NLRC5: variants seen among roughly 807,000 people sequenced by gnomAD.
NLRC5 encodes the protein protein NLRC5.
NLRC5 carries 114 observed loss-of-function variants against 206.9 expected under a neutral mutation model. That is an observed-to-expected ratio of 0.55 (90% CI 0.47 to 0.64). The LOEUF (loss-of-function observed/expected upper bound fraction) is 0.64. Ranked by LOEUF, NLRC5 falls within the 30% of genes least tolerant of loss-of-function variation. NLRC5 has a pLI of 0.00. For missense variants in NLRC5, 2,008 were observed against 2,305.5 expected, an observed-to-expected ratio of 0.87 and a Z score of 2.64; for synonymous variants, 952 against 962.8, an observed-to-expected ratio of 0.99 and a Z score of 0.21.
Position 57,078,024 on chromosome 16 carries a change from A to G in NLRC5, c.5081+4A>G, listed in dbSNP as rs777839543. Reference sequence around the variant, plus strand: ...CCCAGCACCTGAGGGTCCTACAGTGAGTGGCCCCCTGCCCATACCATGCAG... The same window carrying G: ...CCCAGCACCTGAGGGTCCTACAGTGGGTGGCCCCCTGCCCATACCATGCAG... On this transcript the variant is annotated splice_donor_region_variant and intron_variant, in intron 43 of 48. Coordinates refer to ENST00000688547, the MANE Select transcript of NLRC5 (RefSeq NM_001384950.1). 6.3e-7 allele frequency: 1 copy of G among 1,590,348 alleles called. No homozygotes were observed. Among genetic ancestry groups the G allele is most frequent in the Non-Finnish European group, 8.6e-7 (1 of 1,164,248 alleles).
At chr16:57,073,167 C>T (rs1344875368) in intron 38 of NLRC5, among the ~76,000 whole-genome samples, 3 of 152,228 alleles carry the variant, frequency 2.0e-5, no homozygotes, top group Non-Finnish European at 2.9e-5. Context: ...ATCCATGCCC[C>T]TGGGGGCCTT....
chr16:57,059,116 T>C (rs1347667039), intron 29 of NLRC5, 55 bp downstream of exon 29: 1 of 1,612,318 alleles, frequency 6.2e-7, no homozygotes. Context: ...CAGGTGCCCC[T>C]GGCTGATGAT....
intron 43 of NLRC5, among the ~76,000 whole-genome samples, chr16:57,078,466 G>GTTTTTTTTT (rs71383218): frequency 2.2e-5 from 2 of 92,208 alleles, no homozygotes. Context: ...CTGGGACCTT[G>GTTTTTTTTT]TTTTTTTTTT....
intron 1 of NLRC5, among the ~76,000 whole-genome samples, chr16:56,998,129 A>G (rs1334421082): frequency 1.3e-5 from 2 of 151,608 alleles, no homozygotes; most frequent in Non-Finnish European, 2.9e-5. Context: ...GGAGCAGTTC[A>G]GATGATCCAG....
intron 2 of NLRC5, among the ~76,000 whole-genome samples, chr16:57,020,082 A>G (rs2060492956): frequency 1.3e-5 from 2 of 151,976 alleles, no homozygotes; most frequent in African/African-American, 4.8e-5. Flanking sequence ...TGGAGAGGCC[A>G]CTTCCCTGCC....
intron 11 of NLRC5, 89 bp from the exon 12 acceptor site, chr16:57,033,515 C>T (rs2062117589): frequency 8.6e-6 from 11 of 1,282,048 alleles, no homozygotes; most frequent in Non-Finnish European, 1.2e-5. Context: ...GCTTCAGGGT[C>T]TTCAGCCTCT....
chr16:57,051,194 C>T (rs1225770853), intron 23 of NLRC5, among the ~76,000 whole-genome samples: 7 of 152,194 alleles, frequency 4.6e-5, no homozygotes, highest in African/African-American at 1.7e-4. Context: ...TTGCGGAACA[C>T]TAACCTTCAT....
At chr16:57,037,077 C>T (rs1407225744) in intron 14 of NLRC5, 118 bp from the exon 15 acceptor site, 3 of 837,618 alleles carry the variant, frequency 3.6e-6, no homozygotes, top group African/African-American at 3.3e-5. Flanking sequence ...TGGCAAGGGA[C>T]CTAGGACATC....
intron 13 of NLRC5, 105 bp from the exon 14 acceptor site, chr16:57,035,995 C>A: frequency 1.9e-6 from 2 of 1,051,044 alleles, no homozygotes; most frequent in Non-Finnish European, 2.9e-6. Flanking sequence ...AAGGTTCATT[C>A]CTGAGAGTGA....
At chr16:57,067,339 A>G in intron 34 of NLRC5, 48 bp from the exon 35 acceptor site, 1 of 1,489,336 alleles carries the variant, frequency 6.7e-7, no homozygotes, top group Non-Finnish European at 9.4e-7. Flanking sequence ...TGAATCCCAC[A>G]TACTGGACTA....
Position 57,074,637 on chromosome 16 carries a change from T to C in NLRC5, c.4705T>C (p.Leu1569=). ...TCTGCTGAACAGCTCCACCTTGGCC[T>C]TGCTTACTCACAGACTAAGCCAGAT... The part of the protein sequence containing the change: ...HLLLNSSTLA[L]LTHRLSQMTC... Residue 1569 remains leucine (L), a synonymous_variant, in exon 39 of 49, where the codon TTG becomes CTG. Coordinates refer to ENST00000688547, the MANE Select transcript of NLRC5 (RefSeq NM_001384950.1). 6.2e-7 allele frequency: 1 copy of C among 1,613,966 alleles called. No individual in the cohort carries two copies. The highest frequency in any genetic ancestry group is 1.3e-5 in the African/African-American group (1 of 75,032).
intron 1 of NLRC5, among the ~76,000 whole-genome samples, 195 bp from the exon 2 acceptor site, chr16:57,016,879 C>T (rs1180223721): frequency 7.2e-5 from 11 of 152,120 alleles, no homozygotes; most frequent in Admixed American, 3.9e-4. Flanking sequence ...GGTTAGGCTG[C>T]GTAAACCCAG....
At chr16:57,006,413 CTTTTTTTTT>C (rs58713490) in intron 1 of NLRC5, among the ~76,000 whole-genome samples, 21,172 of 91,202 alleles carry the variant, frequency 0.23, 1,714 homozygotes, top group Middle Eastern at 0.44. Context: ...TCTTCATCCT[CTTTTTTTTT>C]TTTTTTTTTT....
rs2067190681 is a variant in NLRC5 at position 57,067,446 on chromosome 16, C to T, written c.4382C>T (p.Thr1461Ile). 1 of 1,614,242 alleles carries T rather than the reference C, an allele frequency of 6.2e-7. No homozygotes were observed. Among genetic ancestry groups the T allele is most frequent in the African/African-American group, 1.3e-5 (1 of 75,076 alleles). ...HSLLVGQLME[T>I]CARLQQLSLS... ...CTTCTTGTCGGGCAGCTGATGGAGA[C>T]ATGTGCCAGGCTGCAGCAGCTCAGG... The change falls in exon 35 of 49, where the codon ACA becomes ATA. Residue 1461 changes from threonine (T) to isoleucine (I), a missense_variant. Physicochemically the swap from Thr to Ile is moderately conservative, Grantham distance 89 (BLOSUM62 -1). Transcript: ENST00000688547.
intron 19 of NLRC5, among the ~76,000 whole-genome samples, 154 bp from the exon 20 acceptor site, chr16:57,043,361 T>C (rs2063524874): frequency 6.6e-6 from 1 of 152,176 alleles, no homozygotes; most frequent in Non-Finnish European, 1.5e-5. Context: ...ATCTCCACCA[T>C]GAGGACTTGC....
Position 57,079,601 on chromosome 16 carries a change from A to G in NLRC5, c.5293A>G (p.Thr1765Ala). The change falls in exon 46 of 49, where the codon ACG becomes GCG. Residue 1765 changes from threonine (T) to alanine (A), a missense_variant. Thr to Ala is a moderately conservative substitution (Grantham distance 58). Transcript: ENST00000688547. ...TGCCAAGCTCCTCACCTCCAGCTTC[A>G]CGAGCTGCCCTGCCCTGGAAGTAAT... ...QTAKLLTSSFTSCPALEVILL... is the reference protein window; with the variant it reads ...QTAKLLTSSFASCPALEVILL... 1 of 1,613,940 alleles carries G rather than the reference A, an allele frequency of 6.2e-7. No homozygotes were observed. Among genetic ancestry groups the G allele is most frequent in the Non-Finnish European group, 8.5e-7 (1 of 1,179,916 alleles).
chr16:57,055,342 C>A, intron 26 of NLRC5, 91 bp from the exon 27 acceptor site: 1 of 1,241,758 alleles, frequency 8.1e-7, no homozygotes, highest in Non-Finnish European at 1.2e-6. Flanking sequence ...CCACCTGGAG[C>A]CCAGAGGCTG....
intron 19 of NLRC5, among the ~76,000 whole-genome samples, chr16:57,042,433 T>G (rs2063401741): frequency 6.6e-6 from 1 of 151,988 alleles, no homozygotes; most frequent in Non-Finnish European, 1.5e-5. Context: ...TGGGGTATGG[T>G]CAGGGTAGAC....
intron 6 of NLRC5, 27 bp from the exon 7 acceptor site, chr16:57,028,045 C>T (rs773521392): frequency 1.3e-6 from 2 of 1,584,970 alleles, no homozygotes; most frequent in Admixed American, 3.4e-5. Context: ...CACTGATCCT[C>T]TGACACTTCG....
Sources: allele counts gnomAD v4.1 joint callset (sites outside exome capture counted in the v4.1 genomes callset), GRCh38; gene constraint gnomAD v4.1.1; transcripts MANE v1.5; gene names NCBI Gene and HGNC (gene_info 2026-07-23, HGNC 2026-07-21).